THRB: variants seen among roughly 807,000 people sequenced by gnomAD.
THRB encodes nuclear receptor subfamily 1 group A member 2.
Under a neutral mutation model 47.8 loss-of-function variants are expected in THRB, and 12 were observed. That is an observed-to-expected ratio of 0.25 (90% CI 0.16 to 0.41). The LOEUF is 0.41. Among genes scored for constraint, THRB ranks in the 10% least tolerant of loss-of-function variants. THRB has a pLI of 1.00. For synonymous variants in THRB, 218 were observed against 212.2 expected (o/e 1.03, Z -0.24); for missense variants, 348 against 589.2 (o/e 0.59, Z 4.24).
At chr3:24,286,017 T>C (rs2055249324) in intron 3 of THRB, among the ~76,000 whole-genome samples, 1 of 152,118 alleles carries the variant, frequency 6.6e-6, no homozygotes, top group African/African-American at 2.4e-5. Context: ...TATGTGAAGA[T>C]GAAGATGGAG....
At chr3:24,394,316 T>G (rs1424254845) in intron 1 of THRB, among the ~76,000 whole-genome samples, 1 of 152,090 alleles carries the variant, frequency 6.6e-6, no homozygotes, top group Non-Finnish European at 1.5e-5. Flanking sequence ...CAGAGGCCAT[T>G]TGTGAAAGAC....
At chr3:24,128,058 GT>G (rs1414683491) in intron 9 of THRB, among the ~76,000 whole-genome samples, 1 of 152,142 alleles carries the variant, frequency 6.6e-6, no homozygotes, top group Non-Finnish European at 1.5e-5. Context: ...TAACCCCTCA[GT>G]TTGGGGGTTT....
chr3:24,332,742 G>A (rs922242157), intron 2 of THRB, among the ~76,000 whole-genome samples: 2 of 152,262 alleles, frequency 1.3e-5, no homozygotes, highest in Admixed American at 1.3e-4. Context: ...GGAAACATTT[G>A]GGGAAAGGAA....
chr3:24,255,372 A>G (rs1435599873), intron 3 of THRB, among the ~76,000 whole-genome samples: 1 of 152,222 alleles, frequency 6.6e-6, no homozygotes, highest in African/African-American at 2.4e-5. Flanking sequence ...ATATATACAT[A>G]TACAATACAA....
chr3:24,326,443 C>G (rs1326619845), intron 2 of THRB, among the ~76,000 whole-genome samples: 1 of 152,030 alleles, frequency 6.6e-6, no homozygotes, highest in Admixed American at 6.6e-5. Context: ...ACTATGTTGG[C>G]CAGGCTGGTC....
At chr3:24,224,537 A>C (rs2047465620) in intron 4 of THRB, among the ~76,000 whole-genome samples, 1 of 152,190 alleles carries the variant, frequency 6.6e-6, no homozygotes, top group African/African-American at 2.4e-5. Context: ...TGAAGGAAGA[A>C]ATGGCCATTA....
intron 5 of THRB, among the ~76,000 whole-genome samples, chr3:24,178,513 C>T (rs1392551735): frequency 6.6e-6 from 1 of 152,104 alleles, no homozygotes; most frequent in East Asian, 1.9e-4. Context: ...AGGAAACATC[C>T]ATCAAACTTA....
At chr3:24,378,295 T>A (rs951843748) in intron 1 of THRB, among the ~76,000 whole-genome samples, 9 of 152,228 alleles carry the variant, frequency 5.9e-5, no homozygotes, top group South Asian at 2.1e-4. Flanking sequence ...GGTATTTGGA[T>A]AAATGTAGTA....
intron 3 of THRB, among the ~76,000 whole-genome samples, chr3:24,254,790 C>A (rs73148311): frequency 6.6e-6 from 1 of 152,168 alleles, no homozygotes; most frequent in Non-Finnish European, 1.5e-5. Context: ...CAAACATAAC[C>A]AGCACGTACA....
intron 1 of THRB, among the ~76,000 whole-genome samples, chr3:24,445,779 G>C (rs1014127921): frequency 2.6e-5 from 4 of 151,992 alleles, no homozygotes; most frequent in African/African-American, 9.7e-5. Context: ...AATTAAGAAG[G>C]TGAAAAAAGA....
intron 5 of THRB, among the ~76,000 whole-genome samples, chr3:24,169,565 G>A (rs1446886541): frequency 2.6e-5 from 4 of 151,502 alleles, no homozygotes; most frequent in Admixed American, 1.3e-4. Context: ...AACAGATAAC[G>A]GTAGTCACTT....
intron 8 of THRB, among the ~76,000 whole-genome samples, chr3:24,138,388 G>A (rs1473676352): frequency 5.3e-5 from 8 of 151,738 alleles, no homozygotes; most frequent in Admixed American, 2.0e-4. Context: ...GGAATAAGAT[G>A]GTGGCAGTGC....
intron 1 of THRB, chr3:24,484,203 T>C (rs557236451): frequency 2.0e-5 from 3 of 152,316 alleles, no homozygotes; most frequent in African/African-American, 7.2e-5. Flanking sequence ...ATTTTATTTT[T>C]GAGTGCAGAT....
At chr3:24,410,678 G>A (rs908400984) in intron 1 of THRB, among the ~76,000 whole-genome samples, 5 of 151,770 alleles carry the variant, frequency 3.3e-5, no homozygotes, top group African/African-American at 1.2e-4. Flanking sequence ...TCCTTTAAGT[G>A]AACTATTAGG....
At chr3:24,396,127 G>C (rs9828770) in intron 1 of THRB, among the ~76,000 whole-genome samples, 1 of 151,928 alleles carries the variant, frequency 6.6e-6, no homozygotes, top group African/African-American at 2.4e-5. Flanking sequence ...GAATAGTATG[G>C]TATGTGAATT....
At chr3:24,336,481 G>A (rs943283159) in intron 2 of THRB, among the ~76,000 whole-genome samples, 1 of 152,188 alleles carries the variant, frequency 6.6e-6, no homozygotes, top group Non-Finnish European at 1.5e-5. Flanking sequence ...AATAAACACA[G>A]AAAGGAAAGT....
chr3:24,148,453 G>C (rs546445436), intron 6 of THRB, among the ~76,000 whole-genome samples: 1 of 152,048 alleles, frequency 6.6e-6, no homozygotes, highest in South Asian at 2.1e-4. Context: ...GTAGAGATGC[G>C]TTTTTGCCAT....
At chr3:24,370,705 C>T (rs79132638) in intron 1 of THRB, among the ~76,000 whole-genome samples, 4 of 152,214 alleles carry the variant, frequency 2.6e-5, no homozygotes, top group Non-Finnish European at 4.4e-5. Flanking sequence ...TGCCACACTT[C>T]GGGCACTATA....
intron 3 of THRB, among the ~76,000 whole-genome samples, chr3:24,283,667 T>C (rs1460016409): frequency 0.02 from 2,901 of 146,706 alleles, 92 homozygotes; most frequent in African/African-American, 0.07. Context: ...GATGACATGA[T>C]TGTATATCTA....
Sources: allele counts gnomAD v4.1 joint callset (sites outside exome capture counted in the v4.1 genomes callset), GRCh38; gene constraint gnomAD v4.1.1; transcripts MANE v1.5; gene names NCBI Gene and HGNC (gene_info 2026-07-23, HGNC 2026-07-21).